The following SSPN variants were observed in gnomAD, a reference collection of about 807,000 sequenced individuals.
The protein encoded by SSPN is sarcospan.
SSPN carries 15 observed loss-of-function variants against 19.1 expected under a neutral mutation model. That is an observed-to-expected ratio of 0.78 (90% CI 0.52 to 1.21). The LOEUF (loss-of-function observed/expected upper bound fraction) is 1.21. Ranked by LOEUF, SSPN falls within the 50% of genes most tolerant of loss-of-function variation. SSPN has a pLI of 0.00. For synonymous variants in SSPN, 147 were observed against 140.3 expected, an observed-to-expected ratio of 1.05 and a Z score of -0.34; for missense variants, 291 against 314.0, an observed-to-expected ratio of 0.93 and a Z score of 0.55.
At chr12:26,186,987 G>A (rs919946756) in intron 1 of SSPN, among the ~76,000 whole-genome samples, 4 of 151,864 alleles carry the variant, frequency 2.6e-5, no homozygotes, top group African/African-American at 9.7e-5. Flanking sequence ...GTTTCTCTTC[G>A]TACATTGGCC....
chr12:26,223,037 G>A (rs1424569209), intron 1 of SSPN, among the ~76,000 whole-genome samples: 1 of 152,128 alleles, frequency 6.6e-6, no homozygotes, highest in Non-Finnish European at 1.5e-5. Flanking sequence ...GCTCAGATTA[G>A]CAAAATAATA....
chr12:26,210,934 T>C (rs1482812151), intron 1 of SSPN, among the ~76,000 whole-genome samples: 1 of 152,152 alleles, frequency 6.6e-6, no homozygotes, highest in Non-Finnish European at 1.5e-5. Flanking sequence ...TTTTTTACTT[T>C]ATTGCATTGT....
chr12:26,192,231 A>G (rs772377960), upstream of SSPN, among the ~76,000 whole-genome samples: 2 of 152,240 alleles, frequency 1.3e-5, no homozygotes. Flanking sequence ...CTAATTTACA[A>G]TCTTTGTCAG....
intron 1 of SSPN, among the ~76,000 whole-genome samples, chr12:26,206,704 G>T (rs1211348727): frequency 6.6e-6 from 1 of 152,142 alleles, no homozygotes; most frequent in Non-Finnish European, 1.5e-5. Flanking sequence ...TAAACTATAG[G>T]TTGTTTATTT....
At chr12:26,125,127 G>A in intron 1 of SSPN, 1 of 386,644 alleles carries the variant, frequency 2.6e-6, no homozygotes, top group Non-Finnish European at 4.9e-6. Context: ...GGGGGCGGGG[G>A]AGGAGGGGCC....
intron 1 of SSPN, among the ~76,000 whole-genome samples, chr12:26,172,155 T>C (rs1273838851): frequency 1.3e-5 from 2 of 152,220 alleles, no homozygotes; most frequent in African/African-American, 4.8e-5. Flanking sequence ...CAAACCATCC[T>C]CCTGCCTCAG....
intron 2 of SSPN, among the ~76,000 whole-genome samples, chr12:26,226,346 G>C (rs1945175917): frequency 1.3e-5 from 2 of 152,114 alleles, no homozygotes; most frequent in Non-Finnish European, 2.9e-5. Context: ...CCCCATCTCG[G>C]GACCCTGGCC....
chr12:26,125,186 A>G (rs1944353670), intron 1 of SSPN: 3 of 340,208 alleles, frequency 8.8e-6, no homozygotes, highest in Non-Finnish European at 1.1e-5. Context: ...GGCGAACGGC[A>G]GGAGGGGGCG....
rs559020386 is a variant in SSPN, at chr12:26,148,493, T to C, written c.-31+26341T>C. On this transcript the variant is annotated intron_variant, in intron 1 of 2. Transcript: ENST00000538142. Reference sequence around the variant, plus strand: ...TGTGATGATAAAGAACGGGCCAACATGATGTGCTGCTTTACAGAGTGGATG... The same window carrying C: ...TGTGATGATAAAGAACGGGCCAACACGATGTGCTGCTTTACAGAGTGGATG... Among the ~76,000 whole-genome samples, 12 of 152,316 alleles carry C rather than the reference T, an allele frequency of 7.9e-5. No homozygotes were observed. In the South Asian group the frequency reaches 2.5e-3, roughly 32 times the overall value.
intron 1 of SSPN, among the ~76,000 whole-genome samples, chr12:26,129,935 A>G (rs895121305): frequency 2.0e-5 from 3 of 152,200 alleles, no homozygotes; most frequent in East Asian, 1.9e-4. Flanking sequence ...AGTTCTTAAC[A>G]TACAAAAGAC....
At position 26,134,086 on chromosome 12, in the gene SSPN, G is replaced by A. The variant is rs1040665647; in HGVS notation, c.-31+11934G>A. 2.6e-5 allele frequency among the ~76,000 whole-genome samples: 4 copies of A among 152,236 alleles called. No individual in the cohort carries two copies. In the East Asian group the frequency reaches 5.8e-4, roughly 22 times the overall value. On this transcript the variant is annotated intron_variant, in intron 1 of 2. Coordinates refer to the SSPN transcript ENST00000538142. ...AAATCAAACTTGAAACTCTTCAGTG[G>A]CCTGAATATGACTTAGTTCTTGCCT...
At chr12:26,178,905 G>C (rs1196517738) in intron 1 of SSPN, among the ~76,000 whole-genome samples, 1 of 152,172 alleles carries the variant, frequency 6.6e-6, no homozygotes, top group Non-Finnish European at 1.5e-5. Flanking sequence ...TTCACTTATA[G>C]AGTAGTCATT....
chr12:26,165,491 A>G (rs1285974360), intron 1 of SSPN, among the ~76,000 whole-genome samples: 1 of 152,244 alleles, frequency 6.6e-6, no homozygotes, highest in East Asian at 1.9e-4. Context: ...CATCCAGGAT[A>G]CAATTTAATA....
intron 1 of SSPN, chr12:26,123,759 A>T (rs1944336387): frequency 5.9e-6 from 9 of 1,521,848 alleles, no homozygotes; most frequent in Non-Finnish European, 8.2e-6. Flanking sequence ...GGTGCAAAAA[A>T]GAAACGGGCA....
chr12:26,189,453 T>TAAAG (rs1393806337), intron 1 of SSPN, among the ~76,000 whole-genome samples: 1 of 152,184 alleles, frequency 6.6e-6, no homozygotes, highest in African/African-American at 2.4e-5. Flanking sequence ...TTACATTCTT[T>TAAAG]CCTCCTACCT....
intron 1 of SSPN, among the ~76,000 whole-genome samples, chr12:26,154,249 G>A (rs1055996730): frequency 5.3e-5 from 8 of 152,248 alleles, no homozygotes; most frequent in African/African-American, 1.4e-4. Flanking sequence ...ACTCACCCTC[G>A]GTTGATCTGG....
chr12:26,158,601 A>G (rs777007052), intron 1 of SSPN, among the ~76,000 whole-genome samples: 4 of 152,240 alleles, frequency 2.6e-5, no homozygotes, highest in Non-Finnish European at 4.4e-5. Context: ...AATAGTCTGC[A>G]GCAATTCTTT....
intron 1 of SSPN, chr12:26,122,393 C>G: frequency 8.0e-7 from 1 of 1,253,634 alleles, no homozygotes. Context: ...GGTACAGATA[C>G]TTCTCCAGGC....
chr12:26,212,758 G>A (rs916028334), intron 1 of SSPN, among the ~76,000 whole-genome samples: 35 of 152,060 alleles, frequency 2.3e-4, no homozygotes, highest in African/African-American at 7.2e-4. Context: ...GTAGTCATTC[G>A]CAAAGCTTCC....
Sources: gnomAD v4.1 joint callset for allele counts (sites outside exome capture counted in the v4.1 genomes callset) on GRCh38, gnomAD v4.1.1 for gene constraint, MANE v1.5 for transcripts, NCBI Gene and HGNC (gene_info 2026-07-23, HGNC 2026-07-21) for gene names.